The following CDH23 variants were observed in gnomAD, a reference collection of about 807,000 sequenced individuals.
The protein encoded by CDH23 is cadherin related 23, also known as cadherin-23.
A neutral mutation model predicts 317.1 loss-of-function variants in CDH23; 189 were observed. That is an observed-to-expected ratio of 0.60 (90% CI 0.53 to 0.67). CDH23 has a LOEUF of 0.67. Among genes scored for constraint, CDH23 ranks in the 30% least tolerant of loss-of-function variants. The pLI, the probability that CDH23 is intolerant of heterozygous loss-of-function variation, is 0.00. For synonymous variants in CDH23, 1,839 were observed against 1,876.8 expected (o/e 0.98, Z 0.52); for missense variants, 4,401 against 4,592.4 (o/e 0.96, Z 1.20).
At chr10:71,683,892 C>A (rs774162559) in intron 18 of CDH23, among the ~76,000 whole-genome samples, 2 of 151,974 alleles carry the variant, frequency 1.3e-5, no homozygotes, top group Non-Finnish European at 2.9e-5. Flanking sequence ...ACTAGCCTGA[C>A]CAACGTGGTG....
At chr10:71,617,090 G>T (rs1861226842) in intron 10 of CDH23, 115 bp from the exon 11 acceptor site, 1 of 1,382,282 alleles carries the variant, frequency 7.2e-7, no homozygotes, top group Non-Finnish European at 9.8e-7. Flanking sequence ...GTGAGGATTA[G>T]ATGGGATCAT....
chr10:71,799,086 G>C (rs776344026), intron 50 of CDH23, 25 bp from the exon 51 acceptor site: 1 of 1,600,326 alleles, frequency 6.2e-7, no homozygotes, highest in East Asian at 2.2e-5. Flanking sequence ...TGGCCAAAAT[G>C]GCAGTGGGAG....
chr10:71,685,295 G>T (rs969910574), intron 18 of CDH23, among the ~76,000 whole-genome samples: 1 of 152,168 alleles, frequency 6.6e-6, no homozygotes, highest in Non-Finnish European at 1.5e-5. Context: ...GAGGAGCAAG[G>T]CCTTCAGAGA....
intron 6 of CDH23, among the ~76,000 whole-genome samples, chr10:71,538,264 G>A (rs547129766): frequency 2.7e-4 from 41 of 152,328 alleles, no homozygotes; most frequent in South Asian, 1.2e-3. Flanking sequence ...TCTCCAGCAT[G>A]TGTTAATAAC....
At chr10:71,446,046 CT>C (rs1320985370) in intron 2 of CDH23, among the ~76,000 whole-genome samples, 1 of 152,194 alleles carries the variant, frequency 6.6e-6, no homozygotes, top group Non-Finnish European at 1.5e-5. Context: ...TGAGGAGCCC[CT>C]GTCATGTGCT....
chr10:71,590,931 G>C (rs945554141), intron 9 of CDH23, among the ~76,000 whole-genome samples: 1 of 150,516 alleles, frequency 6.6e-6, no homozygotes, highest in East Asian at 1.9e-4. Flanking sequence ...CTAGGGACTG[G>C]GGAATTGGCC....
intron 3 of CDH23, among the ~76,000 whole-genome samples, chr10:71,485,023 C>CTTTTTTTTTTTTT: frequency 9.1e-6 from 1 of 110,152 alleles, no homozygotes; most frequent in Non-Finnish European, 1.8e-5. Context: ...TTTCTTTTTT[C>CTTTTTTTTTTTTT]TTTTTTTTTT....
chr10:71,680,840 T>C (rs1864610249), intron 17 of CDH23, among the ~76,000 whole-genome samples: 1 of 141,056 alleles, frequency 7.1e-6, no homozygotes, highest in Non-Finnish European at 1.6e-5. Flanking sequence ...TTTTTTTTTT[T>C]TTTTTTGAGA....
rs1199466643 is a variant in CDH23, at chr10:71,784,251, G to A, written c.5369-36G>A. ...TGGGGTCTCCACAGTTCCTGCCAAT[G>A]CCCGACTAACTTGGGCCTCTCCTGG... On this transcript the variant is annotated intron_variant, in intron 41 of 69. Coordinates refer to ENST00000224721, the MANE Select transcript of CDH23 (RefSeq NM_022124.6). 2.5e-6 allele frequency: 4 copies of A among 1,599,542 alleles called. No homozygotes were observed. In the Admixed American group the frequency reaches 6.8e-5, roughly 27 times the overall value.
At chr10:71,455,558 G>A (rs1850653995) in intron 3 of CDH23, among the ~76,000 whole-genome samples, 1 of 152,104 alleles carries the variant, frequency 6.6e-6, no homozygotes, top group South Asian at 2.1e-4. Flanking sequence ...CACTGTTCCA[G>A]GTATTGTGCA....
intron 3 of CDH23, among the ~76,000 whole-genome samples, chr10:71,447,228 C>T (rs1425984720): frequency 6.6e-6 from 1 of 152,200 alleles, no homozygotes; most frequent in Non-Finnish European, 1.5e-5. Context: ...GGGAGCATCA[C>T]TTGAACTTGG....
At position 71,815,131 on chromosome 10, in the gene CDH23, G is replaced by A. The variant is rs764122021; in HGVS notation, c.9918G>A (p.Lys3306=). 1.9e-6 allele frequency: 3 copies of A among 1,611,364 alleles called. No homozygotes were observed. The highest frequency in any genetic ancestry group is 4.5e-5 in the East Asian group (2 of 44,844). ...ACAGCCTGCCCGAGGAAGACCAGAAGGGCCTGGGCCGCTCGCTGGAGACGC... is the reference window on the plus strand; with the variant it reads ...ACAGCCTGCCCGAGGAAGACCAGAAAGGCCTGGGCCGCTCGCTGGAGACGC... ...DLNSLPEEDQ[K]GLGRSLETLT... Residue 3306 remains lysine (K), a synonymous_variant, in exon 70 of 70, where the codon AAG becomes AAA. Coordinates refer to ENST00000224721, the MANE Select transcript of CDH23 (RefSeq NM_022124.6).
intron 2 of CDH23, among the ~76,000 whole-genome samples, chr10:71,445,399 T>G (rs61319389): frequency 6.6e-6 from 1 of 152,314 alleles, no homozygotes; most frequent in African/African-American, 2.4e-5. Flanking sequence ...GTTGTCTAAG[T>G]GTCAGGCCCT....
At chr10:71,656,821 G>A (rs368595000) in intron 14 of CDH23, among the ~76,000 whole-genome samples, 4 of 152,156 alleles carry the variant, frequency 2.6e-5, no homozygotes, top group Non-Finnish European at 4.4e-5. Context: ...CATGGAGGCC[G>A]GGAGGTGATG....
intron 3 of CDH23, among the ~76,000 whole-genome samples, chr10:71,467,348 T>TCG (rs1851304056): frequency 1.3e-5 from 2 of 152,182 alleles, no homozygotes; most frequent in Non-Finnish European, 2.9e-5. Flanking sequence ...CTGAAACAGA[T>TCG]GGCTGGGCCC....
chr10:71,405,408 G>A (rs946602558), intron 1 of CDH23, among the ~76,000 whole-genome samples: 2 of 151,368 alleles, frequency 1.3e-5, no homozygotes, highest in Admixed American at 1.3e-4. Flanking sequence ...CTTTGTCTTA[G>A]AGGGTGAGGC....
intron 6 of CDH23, among the ~76,000 whole-genome samples, chr10:71,548,277 G>T (rs1234885445): frequency 6.6e-6 from 1 of 152,200 alleles, no homozygotes; most frequent in Admixed American, 6.5e-5. Context: ...GAGTGTCTTT[G>T]TGTATGTGTG....
chr10:71,791,045 T>C (rs1841236608), intron 46 of CDH23, 87 bp from the exon 47 acceptor site: 1 of 1,047,284 alleles, frequency 9.5e-7, no homozygotes, highest in African/African-American at 1.6e-5. Context: ...CCTGTCTTTC[T>C]CTGCTCTCTC....
chr10:71,619,775 C>T (rs1861377502), intron 11 of CDH23, among the ~76,000 whole-genome samples: 1 of 152,122 alleles, frequency 6.6e-6, no homozygotes, highest in South Asian at 2.1e-4. Context: ...CCTCAAATGC[C>T]AAGCCAAGGA....
Sources: allele counts gnomAD v4.1 joint callset (sites outside exome capture counted in the v4.1 genomes callset), GRCh38; gene constraint gnomAD v4.1.1; transcripts MANE v1.5; gene names NCBI Gene and HGNC (gene_info 2026-07-23, HGNC 2026-07-21).